Variants in GSK3B observed in about 807,000 individuals in gnomAD.
The protein encoded by GSK3B is glycogen synthase kinase-3 beta.
GSK3B carries 15 observed loss-of-function variants against 56.4 expected under a neutral mutation model. That is an observed-to-expected ratio of 0.27 (90% CI 0.18 to 0.41). The LOEUF is 0.41. Ranked by LOEUF, GSK3B falls within the 10% of genes least tolerant of loss-of-function variation. The pLI is 1.00. For synonymous variants in GSK3B, 181 were observed against 188.9 expected, an observed-to-expected ratio of 0.96 and a Z score of 0.34; for missense variants, 300 against 513.4, an observed-to-expected ratio of 0.58 and a Z score of 4.02.
At position 119,925,743 on chromosome 3, in the gene GSK3B, C is replaced by A. The variant is rs573627705; in HGVS notation, c.367-2260G>T. ...CTATCTCTAACCACACTAATCACCA[C>A]CATATTTCTGCCTCCTCTCCTTAAG... On this transcript the variant is annotated intron_variant, in intron 3 of 10. Transcript: ENST00000264235. 2.0e-5 allele frequency among the ~76,000 whole-genome samples: 3 copies of A among 152,152 alleles called. No individual in the cohort carries two copies. The East Asian group carries it at 5.8e-4, about 29-fold the overall frequency.
chr3:119,923,522 AT>A, intron 3 of GSK3B, 39 bp from the exon 4 acceptor site: 1 of 925,540 alleles, frequency 1.1e-6, no homozygotes, highest in Non-Finnish European at 1.7e-6. Flanking sequence ...AACAAAACAG[AT>A]TAGAAACTGG....
intron 1 of GSK3B, among the ~76,000 whole-genome samples, chr3:120,093,134 TATC>T (rs1205933979): frequency 6.6e-6 from 1 of 152,066 alleles, no homozygotes; most frequent in East Asian, 1.9e-4. Flanking sequence ...TCCAAATAAA[TATC>T]ATATTATCTC....
intron 9 of GSK3B, among the ~76,000 whole-genome samples, chr3:119,858,070 CT>C (rs1050048480): frequency 6.6e-5 from 10 of 152,146 alleles, no homozygotes; most frequent in Admixed American, 5.2e-4. Context: ...GTCATGCAGA[CT>C]TTTTTGTTCC....
chr3:119,890,943 A>T (rs1013560088), intron 7 of GSK3B, among the ~76,000 whole-genome samples: 2 of 152,102 alleles, frequency 1.3e-5, no homozygotes, highest in Non-Finnish European at 2.9e-5. Flanking sequence ...ATCAAGAGGC[A>T]TTTAAAAAAC....
At chr3:120,006,935 G>A (rs946350915) in intron 1 of GSK3B, among the ~76,000 whole-genome samples, 25 of 150,306 alleles carry the variant, frequency 1.7e-4, no homozygotes, top group African/African-American at 6.1e-4. Context: ...GAAAGAGATA[G>A]AGACAGAAAA....
intron 7 of GSK3B, among the ~76,000 whole-genome samples, chr3:119,903,726 T>C (rs1443415720): frequency 6.6e-6 from 1 of 152,178 alleles, no homozygotes; most frequent in Non-Finnish European, 1.5e-5. Context: ...TTAAAATTAA[T>C]GACAAATCGC....
intron 1 of GSK3B, among the ~76,000 whole-genome samples, chr3:120,058,582 C>T (rs780833815): frequency 2.0e-4 from 30 of 151,688 alleles, no homozygotes; most frequent in Non-Finnish European, 3.2e-4. Context: ...AAAAAAAAAA[C>T]CTGGTTTGAA....
At chr3:119,869,821 A>C (rs1266627975) in intron 8 of GSK3B, among the ~76,000 whole-genome samples, 2 of 152,224 alleles carry the variant, frequency 1.3e-5, no homozygotes, top group Non-Finnish European at 2.9e-5. Flanking sequence ...AACGATGTTA[A>C]ATGACTGGCT....
At chr3:119,965,505 C>T (rs1017842779) in intron 2 of GSK3B, among the ~76,000 whole-genome samples, 1 of 152,008 alleles carries the variant, frequency 6.6e-6, no homozygotes, top group Non-Finnish European at 1.5e-5. Flanking sequence ...AGCCACCATG[C>T]CCAGCCTATG....
intron 10 of GSK3B, among the ~76,000 whole-genome samples, chr3:119,834,305 G>C (rs1037389109): frequency 6.6e-6 from 1 of 152,240 alleles, no homozygotes; most frequent in African/African-American, 2.4e-5. Flanking sequence ...TACTCACAGA[G>C]AATCAAAGTA....
intron 3 of GSK3B, among the ~76,000 whole-genome samples, chr3:119,943,074 AC>A (rs2057065748): frequency 6.6e-6 from 1 of 152,172 alleles, no homozygotes; most frequent in Admixed American, 6.5e-5. Flanking sequence ...TACATTGGCT[AC>A]CCCTTTCCCC....
intron 7 of GSK3B, among the ~76,000 whole-genome samples, chr3:119,903,533 T>G (rs1476062953): frequency 1.3e-5 from 2 of 152,130 alleles, no homozygotes; most frequent in Non-Finnish European, 1.5e-5. Context: ...AGTAACAAAA[T>G]ATATTAATAG....
intron 7 of GSK3B, among the ~76,000 whole-genome samples, chr3:119,878,167 CT>C (rs1430041445): frequency 1.3e-5 from 2 of 152,042 alleles, no homozygotes; most frequent in Admixed American, 1.3e-4. Context: ...TTAAAAGACA[CT>C]CTTAAGAAAA....
intron 7 of GSK3B, among the ~76,000 whole-genome samples, chr3:119,889,196 G>A (rs779173641): frequency 4.6e-5 from 7 of 151,984 alleles, no homozygotes; most frequent in Non-Finnish European, 1.0e-4. Context: ...TTGCAGCTCA[G>A]GTGGGCATCA....
At chr3:119,889,179 G>A (rs542601498) in intron 7 of GSK3B, among the ~76,000 whole-genome samples, 60 of 152,084 alleles carry the variant, frequency 3.9e-4, no homozygotes, top group Non-Finnish European at 1.5e-5. Flanking sequence ...AATAAAACTT[G>A]CTGGTTTTGC....
chr3:119,928,828 T>C (rs754663207), intron 3 of GSK3B, among the ~76,000 whole-genome samples: 3 of 152,106 alleles, frequency 2.0e-5, no homozygotes, highest in Non-Finnish European at 4.4e-5. Flanking sequence ...TAAGCATCAG[T>C]TTCCTCATCT....
intron 1 of GSK3B, among the ~76,000 whole-genome samples, chr3:120,048,435 C>G (rs924690134): frequency 6.6e-6 from 1 of 152,064 alleles, no homozygotes; most frequent in Non-Finnish European, 1.5e-5. Context: ...AACTCTGGAG[C>G]CAGACAGCCT....
intron 2 of GSK3B, among the ~76,000 whole-genome samples, chr3:119,962,764 A>G (rs2057284232): frequency 6.6e-6 from 1 of 152,222 alleles, no homozygotes; most frequent in African/African-American, 2.4e-5. Flanking sequence ...GACCAGTTCC[A>G]TAGAAGACTA....
intron 2 of GSK3B, among the ~76,000 whole-genome samples, chr3:119,971,191 G>A (rs1230279859): frequency 6.6e-6 from 1 of 152,088 alleles, no homozygotes; most frequent in Non-Finnish European, 1.5e-5. Flanking sequence ...GAATGCTGTA[G>A]GTTTTACTTA....
Sources: gnomAD v4.1 joint callset for allele counts (sites outside exome capture counted in the v4.1 genomes callset) on GRCh38, gnomAD v4.1.1 for gene constraint, MANE v1.5 for transcripts, NCBI Gene and HGNC (gene_info 2026-07-23, HGNC 2026-07-21) for gene names.